Variants in HOXD3 observed in about 807,000 individuals in gnomAD.
HOXD3 encodes homeobox protein Hox-D3.
HOXD3 carries 13 observed loss-of-function variants against 32.8 expected under a neutral mutation model. That is an observed-to-expected ratio of 0.40 (90% CI 0.26 to 0.63). The LOEUF (loss-of-function observed/expected upper bound fraction) is 0.63, where lower values mean the gene tolerates loss of function less well. Among genes scored for constraint, HOXD3 ranks in the 20% least tolerant of loss-of-function variants. The pLI is 0.44. For synonymous variants in HOXD3, 241 were observed against 246.8 expected (o/e 0.98, Z 0.22); for missense variants, 504 against 577.1 (o/e 0.87, Z 1.30).
intron 1 of HOXD3, among the ~76,000 whole-genome samples, chr2:176,162,746 C>T (rs2105437876): frequency 6.6e-6 from 1 of 152,282 alleles, no homozygotes; most frequent in Non-Finnish European, 1.5e-5. Flanking sequence ...CCTGTTCCTC[C>T]GCGGCTGGAA....
chr2:176,171,992 G>C lies in HOXD3; in HGVS notation c.1017G>C (p.Met339Ile). 6.2e-7 allele frequency: 1 copy of C among 1,609,964 alleles called. No homozygotes were observed. The highest frequency in any genetic ancestry group is 8.5e-7 in the Non-Finnish European group (1 of 1,179,350). The change falls in exon 4 of 4, where the codon ATG becomes ATC. Residue 339 changes from methionine to isoleucine, a missense_variant. Around this residue, in one of 3 missense-constraint regions of HOXD3, gnomAD observed 226 missense variants for 246.9 expected, o/e 0.92. Transcript: ENST00000683222. Reference sequence around the variant, plus strand: ...CGCCGGAGTTCGAGCCCCATCCCATGGCGAGCAACGGCGGCGGCTTCGCCA... The same window carrying C: ...CGCCGGAGTTCGAGCCCCATCCCATCGCGAGCAACGGCGGCGGCTTCGCCA... ...YAAPEFEPHP[M>I]ASNGGGFASA...
At chr2:176,153,129 GAT>G, upstream of HOXD3, 2 of 350,782 alleles carry the variant, frequency 5.7e-6, no homozygotes, top group East Asian at 7.9e-5. Context: ...GCGGGATGGG[GAT>G]GGGAGGGGGG....
Position 176,157,419 on chromosome 2 carries a change from C to T in HOXD3, c.-214C>T, listed in dbSNP as rs1450995011. ...GCGCGGTGCCCCCGGCCCTCCACCC[C>T]CGGCCCCCGGCGGGCGCGGGAGCGC... is the stretch of plus-strand genomic sequence containing the variant. On this transcript the variant is annotated 5_prime_UTR_variant, in exon 1 of 4. Transcript: ENST00000683222. Among the ~76,000 whole-genome samples the T allele has an allele frequency of 6.6e-6, 1 of 152,134 alleles. No homozygotes were observed. Among genetic ancestry groups the T allele is most frequent in the Non-Finnish European group, 1.5e-5 (1 of 68,012 alleles).
At chr2:176,153,561 G>T (rs939891812), upstream of HOXD3, among the ~76,000 whole-genome samples, 1 of 152,184 alleles carries the variant, frequency 6.6e-6, no homozygotes, top group Non-Finnish European at 1.5e-5. Flanking sequence ...ATATTTATTT[G>T]TTGGGAAATG....
intron 1 of HOXD3, among the ~76,000 whole-genome samples, chr2:176,159,283 A>G (rs1050835517): frequency 1.3e-5 from 2 of 151,996 alleles, no homozygotes; most frequent in African/African-American, 4.8e-5. Context: ...AGACGCCCCG[A>G]GTGGGCCTCT....
chr2:176,169,313 G>A lies in HOXD3; in HGVS notation c.199G>A (p.Ala67Thr), dbSNP rs1234417412. Reference sequence around the variant, plus strand: ...CCTGGACACTGACTATCCAGGTTCTGCCTGCTCCATCCAGAGCTCTGCCCC... The same window carrying A: ...CCTGGACACTGACTATCCAGGTTCTACCTGCTCCATCCAGAGCTCTGCCCC... ...SSLDTDYPGS[A>T]CSIQSSAPLR... The change falls in exon 3 of 4, where the codon GCC (alanine) becomes ACC (threonine). Residue 67 changes from alanine to threonine, a missense_variant. By Grantham distance (58) the Ala-to-Thr change is moderately conservative (BLOSUM62 0). Transcript: ENST00000683222. The A allele has an allele frequency of 1.2e-6, 2 of 1,613,842 alleles. No individual in the cohort carries two copies. Among genetic ancestry groups the A allele is most frequent in the East Asian group, 4.5e-5 (2 of 44,864 alleles).
At chr2:176,162,033 T>C (rs1175778885) in intron 1 of HOXD3, among the ~76,000 whole-genome samples, 3 of 152,188 alleles carry the variant, frequency 2.0e-5, no homozygotes, top group Non-Finnish European at 4.4e-5. Context: ...ACCGGACCTT[T>C]ATGGGGAAAG....
chr2:176,156,182 C>T (rs1023870900), upstream of HOXD3, among the ~76,000 whole-genome samples: 2 of 152,120 alleles, frequency 1.3e-5, no homozygotes, highest in Admixed American at 1.3e-4. Flanking sequence ...AAATTAGGCA[C>T]CATTTTTTGG....
chr2:176,164,027 G>C (rs1026086892), intron 1 of HOXD3, 46 bp from the exon 2 acceptor site: 3 of 152,088 alleles, frequency 2.0e-5, no homozygotes, highest in Admixed American at 6.5e-5. Context: ...GTAAGTGTTT[G>C]TAAGCAAGAA....
chr2:176,169,523 G>A lies in HOXD3; in HGVS notation c.409G>A (p.Gly137Arg), dbSNP rs781191666. 3.1e-6 allele frequency: 5 copies of A among 1,613,928 alleles called. No homozygotes were observed. The East Asian group carries it at 8.9e-5, about 29-fold the overall frequency. The change falls in exon 3 of 4, where the codon GGA becomes AGA. Residue 137 changes from glycine to arginine, a missense_variant. Coordinates refer to ENST00000683222, the MANE Select transcript of HOXD3 (RefSeq NM_006898.5). ...ATCTTCACCCACCAATCCTGGAGGT[G>A]GAGTGCCTGCCAAGAAGCCCAAAGG... ...PPSSPTNPGGGVPAKKPKGGP... is the reference protein window; with the variant it reads ...PPSSPTNPGGRVPAKKPKGGP...
In HOXD3 at chr2:176,169,322, A is replaced by T. The variant is rs1691097590; in HGVS notation, c.208A>T (p.Ile70Phe). 13 of 1,613,702 alleles carry T rather than the reference A, an allele frequency of 8.1e-6. No individual in the cohort carries two copies. The highest frequency in any genetic ancestry group is 1.0e-5 in the Non-Finnish European group (12 of 1,179,912). ...DTDYPGSACS[I>F]QSSAPLRAPA... ...TGACTATCCAGGTTCTGCCTGCTCCATCCAGAGCTCTGCCCCTCTGAGAGC... is the reference window on the plus strand; with the variant it reads ...TGACTATCCAGGTTCTGCCTGCTCCTTCCAGAGCTCTGCCCCTCTGAGAGC... The change falls in exon 3 of 4, where the codon ATC becomes TTC. Residue 70 changes from isoleucine to phenylalanine, a missense_variant. Ile to Phe is a conservative substitution (Grantham distance 21, BLOSUM62 0). Transcript: ENST00000683222.
intron 1 of HOXD3, among the ~76,000 whole-genome samples, chr2:176,162,632 A>G (rs772996434): frequency 6.6e-6 from 1 of 152,140 alleles, no homozygotes; most frequent in Non-Finnish European, 1.5e-5. Context: ...TGGTGGTCCA[A>G]CTTTGGTTAA....
upstream of HOXD3, chr2:176,153,035 A>G: frequency 7.8e-7 from 1 of 1,284,572 alleles, no homozygotes; most frequent in Non-Finnish European, 1.1e-6. Flanking sequence ...GCTGGGCTCT[A>G]AGGTACTGTG....
intron 2 of HOXD3, among the ~76,000 whole-genome samples, chr2:176,168,133 T>A (rs1691039967): frequency 6.6e-6 from 1 of 151,928 alleles, no homozygotes; most frequent in Non-Finnish European, 1.5e-5. Context: ...AAGTTGAACT[T>A]CATAAAATCT....
intron 2 of HOXD3, among the ~76,000 whole-genome samples, chr2:176,166,235 G>A (rs955172603): frequency 6.6e-6 from 1 of 152,162 alleles, no homozygotes; most frequent in Non-Finnish European, 1.5e-5. Context: ...ACTTTTTCTA[G>A]GAATATGCCA....
rs1233226436 is a variant in HOXD3, at chr2:176,161,940, T to A, written c.-180-2133T>A. ...GAGAAGACAACCCATCCCGGGTCTT[T>A]CCGTGCCAGGGATGGAGTGAGCAGC... On this transcript the variant is annotated intron_variant, in intron 1 of 3. Coordinates refer to ENST00000683222, the MANE Select transcript of HOXD3 (RefSeq NM_006898.5). 3.9e-5 allele frequency among the ~76,000 whole-genome samples: 6 copies of A among 152,252 alleles called. No individual in the cohort carries two copies. The South Asian group carries it at 1.0e-3, about 26-fold the overall frequency.
upstream of HOXD3, chr2:176,153,007 C>T (rs1288619146): frequency 3.3e-5 from 50 of 1,514,472 alleles, no homozygotes; most frequent in Non-Finnish European, 4.5e-5. Flanking sequence ...GGGGGCAGGC[C>T]GGGCCTGCTG....
Position 176,171,556 on chromosome 2 carries a change from C to G in HOXD3, c.581C>G (p.Ser194Cys), listed in dbSNP as rs369217663. 1.4e-5 allele frequency: 22 copies of G among 1,606,200 alleles called. No homozygotes were observed. Among genetic ancestry groups the G allele is most frequent in the South Asian group, 2.2e-5 (2 of 89,574 alleles). Residue 194 changes from serine to cysteine, a missense_variant, in exon 4 of 4, where the codon TCC (serine) becomes TGC (cysteine). Ser to Cys is a moderately radical substitution (Grantham distance 112). Transcript: ENST00000683222. ...CEDKSPPGPA[S>C]KRVRTAYTSA... is the part of the protein sequence containing the mutation. ...GACAAGAGCCCGCCAGGCCCAGCAT[C>G]CAAGCGGGTACGCACGGCATACACG...
chr2:176,171,401 C>T (rs2105456153), intron 3 of HOXD3, 116 bp from the exon 4 acceptor site: 1 of 994,388 alleles, frequency 1.0e-6, no homozygotes, highest in East Asian at 2.7e-5. Flanking sequence ...CCTCCCCAGC[C>T]AGGATTGGAG....
Sources: gnomAD v4.1 joint callset for allele counts (sites outside exome capture counted in the v4.1 genomes callset) on GRCh38, gnomAD v4.1.1 for gene constraint, gnomAD v4.1.1 regional missense constraint, MANE v1.5 for transcripts, NCBI Gene and HGNC (gene_info 2026-07-23, HGNC 2026-07-21) for gene names.